POGLUT1: variants seen among roughly 807,000 people sequenced by gnomAD.
The protein encoded by POGLUT1 is protein O-glucosyltransferase 1.
A neutral mutation model predicts 61.3 loss-of-function variants in POGLUT1; 32 were observed. The ratio of observed to expected loss-of-function variants is 0.52; its 90% CI spans 0.39 to 0.70. POGLUT1 has a LOEUF of 0.70. Ranked by LOEUF, POGLUT1 falls within the 30% of genes least tolerant of loss-of-function variation. The probability of loss-of-function intolerance (pLI) is 0.00; values close to 1 mark genes in which losing one functional copy is unlikely to be tolerated. For missense variants in POGLUT1, 411 were observed against 469.8 expected (o/e 0.87, Z 1.16); for synonymous variants, 158 against 158.2 (o/e 1.00, Z 0.01).
chr3:119,478,905 G>T (rs73187880), intron 4 of POGLUT1, among the ~76,000 whole-genome samples: 1 of 26,522 alleles, frequency 3.8e-5, no homozygotes, highest in Non-Finnish European at 1.7e-4. Context: ...AAAAAAAAAA[G>T]GGGGGAACAT....
chr3:119,490,706 TC>T lies in POGLUT1; in HGVS notation c.954del (p.Ser319ProfsTer10). On this transcript the variant is annotated frameshift_variant, in exon 9 of 11. Transcript: ENST00000295588. LOFTEE classifies it high-confidence loss of function. ...WVHYIPVKTD[L>X]SNVQELLQFV... The stretch of plus-strand genomic sequence containing the variant: ...CACTATATCCCAGTCAAAACAGATC[TC>T]TCCAATGTCCAGTAAGCAGTTATCC... 1 of 1,613,728 alleles carries T rather than the reference TC, an allele frequency of 6.2e-7. No individual in the cohort carries two copies. The highest frequency in any genetic ancestry group is 8.5e-7 in the Non-Finnish European group (1 of 1,179,736).
Position 119,492,569 on chromosome 3 carries a change from C to G in POGLUT1, c.*131C>G, listed in dbSNP as rs928197774. ...AAGCCAAATACCTGGTTTTCCTTAT[C>G]ATGCTGCACCCAGAGCAACTCTTGA... On this transcript the variant is annotated 3_prime_UTR_variant, in exon 11 of 11. Coordinates refer to ENST00000295588, the MANE Select transcript of POGLUT1 (RefSeq NM_152305.3). The G allele has an allele frequency of 1.2e-5, 6 of 513,598 alleles. No homozygotes were observed. The highest frequency in any genetic ancestry group is 3.7e-5 in the Admixed American group (1 of 27,076). 31.8% of individuals were successfully genotyped at this position (513,598 alleles called of 1,614,324 possible).
At chr3:119,478,657 A>G (rs1300870577) in intron 4 of POGLUT1, among the ~76,000 whole-genome samples, 2 of 152,184 alleles carry the variant, frequency 1.3e-5, no homozygotes, top group Non-Finnish European at 2.9e-5. Flanking sequence ...TGCAGCTTCT[A>G]TTGAATAGCT....
At position 119,471,427 on chromosome 3, in the gene POGLUT1, G is replaced by GA; in HGVS notation, c.299dup (p.Asn100LysfsTer2). ...GATCACTAAGAACAGACTGTACCGG[G>GA]AAAATGACTGCATGTTCCCCTCAAG... On this transcript the variant is annotated frameshift_variant, in exon 3 of 11. Coordinates refer to ENST00000295588, the MANE Select transcript of POGLUT1 (RefSeq NM_152305.3). LOFTEE classifies it high-confidence loss of function. The GA allele has an allele frequency of 6.2e-7, 1 of 1,614,082 alleles. No homozygotes were observed. Among genetic ancestry groups the GA allele is most frequent in the Non-Finnish European group, 8.5e-7 (1 of 1,179,940 alleles).
intron 2 of POGLUT1, among the ~76,000 whole-genome samples, chr3:119,470,896 G>A (rs2081462071): frequency 6.6e-6 from 1 of 152,210 alleles, no homozygotes; most frequent in Admixed American, 6.5e-5. Flanking sequence ...AGGGCTTGTG[G>A]GGGAGAGTGT....
rs758701006 is a variant in POGLUT1 at position 119,486,853 on chromosome 3, C to T, written c.659C>T (p.Pro220Leu). ...TATAGGACAAGTCCAGAACGAGATCCTCTCATTCTTCTGTCTCGGAAAAAC... is the reference window on the plus strand; with the variant it reads ...TATAGGACAAGTCCAGAACGAGATCTTCTCATTCTTCTGTCTCGGAAAAAC... ...RGSRTSPERD[P>L]LILLSRKNPK... The change falls in exon 7 of 11, where the codon CCT becomes CTT. Residue 220 changes from proline (P) to leucine (L), a missense_variant. By Grantham distance (98) the Pro-to-Leu change is moderately conservative. Transcript: ENST00000295588. 5.2e-5 allele frequency: 83 copies of T among 1,610,758 alleles called. No homozygotes were observed. Among genetic ancestry groups the T allele is most frequent in the Non-Finnish European group, 7.1e-5 (83 of 1,177,056 alleles).
chr3:119,479,408 G>C (rs979735472), intron 4 of POGLUT1, among the ~76,000 whole-genome samples: 1 of 152,160 alleles, frequency 6.6e-6, no homozygotes, highest in Non-Finnish European at 1.5e-5. Context: ...GCCAGCTACT[G>C]TTCTAAGAAT....
At chr3:119,481,552 C>T (rs574857683) in intron 5 of POGLUT1, among the ~76,000 whole-genome samples, 1 of 152,296 alleles carries the variant, frequency 6.6e-6, no homozygotes, top group Admixed American at 6.5e-5. Flanking sequence ...CCTGAAGAAA[C>T]GTACAGGGCT....
chr3:119,476,146 G>A (rs991311968), intron 3 of POGLUT1, among the ~76,000 whole-genome samples: 3 of 152,038 alleles, frequency 2.0e-5, no homozygotes, highest in South Asian at 2.1e-4. Flanking sequence ...GTGGCAGAGC[G>A]AGAGACCCTG....
At chr3:119,483,747 G>C (rs2081632885) in intron 5 of POGLUT1, among the ~76,000 whole-genome samples, 2 of 152,152 alleles carry the variant, frequency 1.3e-5, no homozygotes, top group Non-Finnish European at 2.9e-5. Flanking sequence ...CTGTAGGATT[G>C]TTCAGCAGCA....
At position 119,493,718 on chromosome 3, in the gene POGLUT1, A is replaced by G. The variant is rs1469381660; in HGVS notation, c.*1280A>G. 6.6e-6 allele frequency: 1 copy of G among 152,152 alleles called. No homozygotes were observed. Among genetic ancestry groups the G allele is most frequent in the East Asian group, 1.9e-4 (1 of 5,202 alleles). 9.4% of individuals were successfully genotyped at this position (152,152 alleles called of 1,614,324 possible). A position where few individuals can be genotyped will look rare whatever the true frequency, so the allele number is the denominator to read the frequency against. ...TTGGCTTTTTAAACTCCTTTCCACA[A>G]AAGTTTAAGTCTAATGACCTTCTTA... On this transcript the variant is annotated 3_prime_UTR_variant, in exon 11 of 11. Coordinates refer to ENST00000295588, the MANE Select transcript of POGLUT1 (RefSeq NM_152305.3).
At chr3:119,469,434 C>T (rs903968267) in intron 1 of POGLUT1, among the ~76,000 whole-genome samples, 5 of 152,216 alleles carry the variant, frequency 3.3e-5, no homozygotes, top group Non-Finnish European at 1.5e-5. Context: ...GGGCAAATGT[C>T]GTGCGCGCGA....
intron 7 of POGLUT1, chr3:119,488,034 A>C (rs2081690351): frequency 6.6e-6 from 1 of 152,188 alleles, no homozygotes; most frequent in Admixed American, 6.5e-5. Context: ...CTTTATATGA[A>C]ATTTCCATAT....
intron 4 of POGLUT1, among the ~76,000 whole-genome samples, chr3:119,478,987 C>T (rs189337553): frequency 2.4e-4 from 37 of 151,940 alleles, no homozygotes; most frequent in African/African-American, 8.0e-4. Flanking sequence ...TGCAGTGGCG[C>T]GATCTCAGCT....
rs575664488 is a variant in POGLUT1, at chr3:119,480,817, C to T, written c.578+645C>T. 9.9e-5 allele frequency among the ~76,000 whole-genome samples: 15 copies of T among 150,878 alleles called. No individual in the cohort carries two copies. In the South Asian group the frequency reaches 2.1e-3, roughly 21 times the overall value. On this transcript the variant is annotated intron_variant, in intron 5 of 10. Transcript: ENST00000295588. ...GCAGTGGTGCTATCGCGGCTCACTG[C>T]AACCTCTGCCTCCCAGGTTCAAGCA...
At chr3:119,477,531 C>A in intron 4 of POGLUT1, 83 bp downstream of exon 4, 1 of 1,326,700 alleles carries the variant, frequency 7.5e-7, no homozygotes, top group Non-Finnish European at 1.1e-6. Flanking sequence ...GTGACATAGT[C>A]TGATGGATAA....
intron 8 of POGLUT1, 88 bp downstream of exon 8, chr3:119,489,075 C>A (rs2107716796): frequency 1.5e-6 from 1 of 671,152 alleles, no homozygotes; most frequent in Non-Finnish European, 2.6e-6. Flanking sequence ...ATATAAAGGC[C>A]CAGCTGGAGT....
At chr3:119,478,796 C>G (rs13324244) in intron 4 of POGLUT1, among the ~76,000 whole-genome samples, 294 of 148,730 alleles carry the variant, frequency 2.0e-3, no homozygotes, top group African/African-American at 6.8e-3. Flanking sequence ...AGATTTTTAA[C>G]AGAAGTAACC....
chr3:119,489,194 C>A, intron 8 of POGLUT1: 1 of 404,836 alleles, frequency 2.5e-6, no homozygotes, highest in Non-Finnish European at 4.5e-6. Context: ...TTCCTGCTTC[C>A]AAACAGCTGC....
Sources: allele counts gnomAD v4.1 joint callset (sites outside exome capture counted in the v4.1 genomes callset), GRCh38; gene constraint gnomAD v4.1.1; transcripts MANE v1.5; gene names NCBI Gene and HGNC (gene_info 2026-07-23, HGNC 2026-07-21).